Variants in PDSS2 observed in about 807,000 individuals in gnomAD.
The protein encoded by PDSS2 is decaprenyl diphosphate synthase subunit 2, also known as all trans-polyprenyl-diphosphate synthase PDSS2.
PDSS2 carries 31 observed loss-of-function variants against 44.5 expected under a neutral mutation model. That is an observed-to-expected ratio of 0.70 (90% CI 0.52 to 0.94). The LOEUF (loss-of-function observed/expected upper bound fraction) is 0.94. PDSS2 is among the 40% of genes least tolerant of loss of function. The pLI is 0.00. For synonymous variants in PDSS2, 157 were observed against 180.3 expected, an observed-to-expected ratio of 0.87 and a Z score of 1.03; for missense variants, 452 against 482.2, an observed-to-expected ratio of 0.94 and a Z score of 0.59.
At chr6:107,264,601 A>G (rs1451483585) in intron 3 of PDSS2, 4 of 788,652 alleles carry the variant, frequency 5.1e-6, no homozygotes, top group Non-Finnish European at 8.3e-6. Context: ...CTTTTCAAAA[A>G]CAAGATGACA....
intron 2 of PDSS2, among the ~76,000 whole-genome samples, chr6:107,325,980 C>T (rs1777531338): frequency 6.6e-6 from 1 of 152,168 alleles, no homozygotes; most frequent in African/African-American, 2.4e-5. Flanking sequence ...TAAATACTAC[C>T]ACTACTAGTG....
At chr6:107,446,924 T>A (rs1310721381) in intron 1 of PDSS2, among the ~76,000 whole-genome samples, 2 of 151,936 alleles carry the variant, frequency 1.3e-5, no homozygotes, top group Admixed American at 1.3e-4. Flanking sequence ...CAAAATGCAG[T>A]CATGATGCCC....
chr6:107,196,828 A>T (rs1469986643), intron 6 of PDSS2, among the ~76,000 whole-genome samples: 2 of 152,180 alleles, frequency 1.3e-5, no homozygotes, highest in Admixed American at 6.5e-5. Context: ...GGTTAACTTG[A>T]TCACCAATGG....
At position 107,446,176 on chromosome 6, in the gene PDSS2, C is replaced by T. The variant is rs575642851; in HGVS notation, c.296+12814G>A. Among the ~76,000 whole-genome samples the T allele has an allele frequency of 9.0e-4, 137 of 152,072 alleles. 3 individuals carry two copies. In the South Asian group the frequency reaches 0.028, roughly 31 times the overall value. ...ACTAAAAATACAAAAGTTAGCTGGG[C>T]GTGGTGGTGCACACCTGTAGTCCCA... is the stretch of plus-strand genomic sequence containing the variant. On this transcript the variant is annotated intron_variant, in intron 1 of 7. Transcript: ENST00000369037.
intron 1 of PDSS2, among the ~76,000 whole-genome samples, chr6:107,439,597 G>A (rs1286224313): frequency 2.0e-5 from 3 of 152,216 alleles, no homozygotes; most frequent in Non-Finnish European, 2.9e-5. Flanking sequence ...ACAGCTGCAA[G>A]TGTACCACTG....
At chr6:107,392,151 A>T (rs1012516119) in intron 1 of PDSS2, among the ~76,000 whole-genome samples, 1 of 152,158 alleles carries the variant, frequency 6.6e-6, no homozygotes, top group African/African-American at 2.4e-5. Flanking sequence ...CACCTAAAAC[A>T]TACCTAATAG....
At chr6:107,298,118 G>A (rs1038245646) in intron 2 of PDSS2, among the ~76,000 whole-genome samples, 3 of 152,170 alleles carry the variant, frequency 2.0e-5, no homozygotes, top group African/African-American at 7.2e-5. Context: ...GGAAAACTGG[G>A]ATAGTGCATT....
At chr6:107,277,529 A>G (rs940281226) in intron 2 of PDSS2, among the ~76,000 whole-genome samples, 1 of 152,238 alleles carries the variant, frequency 6.6e-6, no homozygotes, top group Non-Finnish European at 1.5e-5. Context: ...AAGGTGATAC[A>G]TAGAAAAATC....
chr6:107,300,776 C>T (rs2500593), intron 2 of PDSS2, among the ~76,000 whole-genome samples: 143,621 of 152,260 alleles, frequency 0.94, 68,231 homozygotes, highest in East Asian at 1. Context: ...TGGTTTGCAG[C>T]GTATGTATAC....
intron 2 of PDSS2, among the ~76,000 whole-genome samples, chr6:107,302,313 C>T (rs1371850523): frequency 6.6e-6 from 1 of 151,756 alleles, no homozygotes; most frequent in Non-Finnish European, 1.5e-5. Flanking sequence ...CACTGTTACC[C>T]AGGCTGGAGT....
intron 2 of PDSS2, among the ~76,000 whole-genome samples, chr6:107,329,544 A>C (rs1209302043): frequency 6.6e-6 from 1 of 152,042 alleles, no homozygotes; most frequent in Non-Finnish European, 1.5e-5. Flanking sequence ...TCCCCTTTTT[A>C]TAAGGATGCC....
chr6:107,177,931 G>T (rs1306040184), intron 7 of PDSS2, among the ~76,000 whole-genome samples: 1 of 152,064 alleles, frequency 6.6e-6, no homozygotes, highest in African/African-American at 2.4e-5. Flanking sequence ...TAGTCCTGGG[G>T]GTATTTGAGG....
intron 2 of PDSS2, among the ~76,000 whole-genome samples, chr6:107,276,904 C>A (rs1447098512): frequency 4.6e-5 from 7 of 152,162 alleles, no homozygotes; most frequent in Non-Finnish European, 8.8e-5. Context: ...CCCAGTCAAG[C>A]CCAGCCCCCT....
At chr6:107,172,941 T>C (rs9386619) in intron 7 of PDSS2, among the ~76,000 whole-genome samples, 63,509 of 151,278 alleles carry the variant, frequency 0.42, 13,637 homozygotes, top group African/African-American at 0.45. Context: ...CTGGCCAACA[T>C]GGTGAAACCC....
chr6:107,403,911 G>A lies in PDSS2; in HGVS notation c.296+55079C>T, dbSNP rs571590276. Among the ~76,000 whole-genome samples the A allele has an allele frequency of 3.9e-5, 6 of 152,272 alleles. No homozygotes were observed. In the South Asian group the frequency reaches 1.2e-3, roughly 32 times the overall value. ...TGGAGCCATTTTCCCCATTGTTTTG[G>A]CAATTAGCATTTGGCTTCTCATTAC... is the stretch of plus-strand genomic sequence containing the variant. On this transcript the variant is annotated intron_variant, in intron 1 of 7. Transcript: ENST00000369037.
At chr6:107,394,387 AT>A (rs1377516644) in intron 1 of PDSS2, among the ~76,000 whole-genome samples, 2 of 152,176 alleles carry the variant, frequency 1.3e-5, no homozygotes, top group Non-Finnish European at 2.9e-5. Flanking sequence ...GCTTACAATC[AT>A]GGCAGAAGGC....
intron 6 of PDSS2, among the ~76,000 whole-genome samples, chr6:107,206,127 A>C (rs1772966985): frequency 6.6e-6 from 1 of 152,206 alleles, no homozygotes. Context: ...GCTGGAGTGC[A>C]CTGGTGCGAT....
chr6:107,408,236 G>A (rs1054468127), intron 1 of PDSS2, among the ~76,000 whole-genome samples: 1 of 151,930 alleles, frequency 6.6e-6, no homozygotes, highest in Non-Finnish European at 1.5e-5. Flanking sequence ...CACCATGTTG[G>A]CTAGGCTGGT....
At chr6:107,264,578 G>T in intron 3 of PDSS2, 1 of 1,014,296 alleles carries the variant, frequency 9.9e-7, no homozygotes, top group Non-Finnish European at 1.5e-6. Flanking sequence ...CATTATATAT[G>T]TAAAGTAAAA....
Sources: allele counts gnomAD v4.1 joint callset (sites outside exome capture counted in the v4.1 genomes callset), GRCh38; gene constraint gnomAD v4.1.1; transcripts MANE v1.5; gene names NCBI Gene and HGNC (gene_info 2026-07-23, HGNC 2026-07-21).